Variants in PBX1 observed in about 807,000 individuals in gnomAD.
PBX1 encodes the protein PBX homeobox 1, also known as pre-B-cell leukemia transcription factor 1.
Under a neutral mutation model 53.4 loss-of-function variants are expected in PBX1, and 6 were observed. The ratio of observed to expected loss-of-function variants is 0.11; its 90% CI spans 0.06 to 0.22. The LOEUF (loss-of-function observed/expected upper bound fraction) is 0.22, where lower values mean the gene tolerates loss of function less well. Ranked by LOEUF, PBX1 falls within the 10% of genes least tolerant of loss-of-function variation. PBX1 has a pLI of 1.00. For synonymous variants in PBX1, 204 were observed against 212.3 expected (o/e 0.96, Z 0.34); for missense variants, 251 against 551.4 (o/e 0.46, Z 5.46).
intron 2 of PBX1, among the ~76,000 whole-genome samples, chr1:164,645,231 A>G (rs1571138109): frequency 6.6e-6 from 1 of 152,162 alleles, no homozygotes; most frequent in Admixed American, 6.6e-5. Flanking sequence ...TAACCAGTAC[A>G]GGATTCCCCC....
intron 2 of PBX1, among the ~76,000 whole-genome samples, chr1:164,594,220 A>G (rs1346207042): frequency 6.6e-6 from 1 of 152,050 alleles, no homozygotes; most frequent in Non-Finnish European, 1.5e-5. Flanking sequence ...CAGAAGCACA[A>G]GATGAAACAC....
intron 2 of PBX1, chr1:164,700,385 G>T: frequency 1.1e-6 from 1 of 879,372 alleles, no homozygotes. Context: ...CACATCAAGG[G>T]AGCGTGAGGT....
chr1:164,799,565 G>A, intron 3 of PBX1, 134 bp from the exon 4 acceptor site: 1 of 647,476 alleles, frequency 1.5e-6, no homozygotes, highest in Non-Finnish European at 2.5e-6. Flanking sequence ...TGAAAGGGAC[G>A]TCTACCACAA....
chr1:164,844,890 T>G (rs1420825773), intron 8 of PBX1, among the ~76,000 whole-genome samples: 1 of 152,220 alleles, frequency 6.6e-6, no homozygotes, highest in Non-Finnish European at 1.5e-5. Context: ...GTTCTCCGTC[T>G]AATCTGTTTA....
intron 2 of PBX1, among the ~76,000 whole-genome samples, chr1:164,646,466 A>G (rs1356642736): frequency 6.6e-6 from 1 of 152,138 alleles, no homozygotes; most frequent in African/African-American, 2.4e-5. Flanking sequence ...CTGACTACCT[A>G]GAAGAGGCAA....
chr1:164,620,336 C>T lies in PBX1; in HGVS notation c.265+57025C>T, dbSNP rs577840464. Reference sequence around the variant, plus strand: ...GATTTCATAAGGCATTATTTTGAGGCTATATTTTGTTAGTGTAATTCTAGC... The same window carrying T: ...GATTTCATAAGGCATTATTTTGAGGTTATATTTTGTTAGTGTAATTCTAGC... On this transcript the variant is annotated intron_variant, in intron 2 of 8. Coordinates refer to ENST00000420696, the MANE Select transcript of PBX1 (RefSeq NM_002585.4). Among the ~76,000 whole-genome samples, 29 of 152,200 alleles carry T rather than the reference C, an allele frequency of 1.9e-4. 2 individuals carry two copies. In the South Asian group the frequency reaches 6.0e-3, roughly 32 times the overall value.
chr1:164,592,944 C>T (rs886736673), intron 2 of PBX1, among the ~76,000 whole-genome samples: 3 of 151,408 alleles, frequency 2.0e-5, no homozygotes, highest in Non-Finnish European at 2.9e-5. Context: ...ATGTAGCACA[C>T]AATCCTTAGA....
At chr1:164,767,511 A>T (rs564035620) in intron 2 of PBX1, among the ~76,000 whole-genome samples, 35 of 152,224 alleles carry the variant, frequency 2.3e-4, no homozygotes, top group African/African-American at 7.9e-4. Context: ...TCTGCGTCCA[A>T]CTGCACTCTA....
intron 8 of PBX1, among the ~76,000 whole-genome samples, chr1:164,840,949 A>C (rs1671259152): frequency 6.6e-6 from 1 of 152,154 alleles, no homozygotes; most frequent in African/African-American, 2.4e-5. Flanking sequence ...AGTGCCACCA[A>C]GTGTTTCTTT....
At chr1:164,709,419 G>A (rs1663625700) in intron 2 of PBX1, among the ~76,000 whole-genome samples, 1 of 152,008 alleles carries the variant, frequency 6.6e-6, no homozygotes, top group African/African-American at 2.4e-5. Context: ...AGAAAAAGGG[G>A]GAAAAACACT....
At chr1:164,691,953 CT>C (rs1479657128) in intron 2 of PBX1, among the ~76,000 whole-genome samples, 2 of 152,056 alleles carry the variant, frequency 1.3e-5, no homozygotes, top group African/African-American at 4.8e-5. Flanking sequence ...ATAAAATTAC[CT>C]TTAGGGTCTG....
Position 164,812,145 on chromosome 1 carries a change from G to A in PBX1, c.993G>A (p.Ser331=), listed in dbSNP as rs755845426. The A allele has an allele frequency of 6.2e-7, 1 of 1,607,108 alleles. No homozygotes were observed. The highest frequency in any genetic ancestry group is 1.7e-5 in the Admixed American group (1 of 59,320). Residue 331 remains serine, a synonymous_variant, in exon 6 of 9, where the codon TCG becomes TCA. Coordinates refer to ENST00000420696, the MANE Select transcript of PBX1 (RefSeq NM_002585.4). ...SQANSPSTPN[S]AGSSSSFNMS... is the part of the protein sequence containing the mutation. ...CTAACTCGCCCTCAACTCCCAACTC[G>A]GCTGGTTAGTTTTTTCTTTGATTGG...
At chr1:164,618,305 G>GC (rs1657432599) in intron 2 of PBX1, among the ~76,000 whole-genome samples, 1 of 150,840 alleles carries the variant, frequency 6.6e-6, no homozygotes, top group Admixed American at 6.6e-5. Flanking sequence ...GGCGGGGGGG[G>GC]GGGGGCACTC....
intron 2 of PBX1, among the ~76,000 whole-genome samples, chr1:164,675,881 T>C (rs1390108632): frequency 6.6e-6 from 1 of 152,184 alleles, no homozygotes; most frequent in Non-Finnish European, 1.5e-5. Flanking sequence ...ATGCCCGTGT[T>C]CTGTGTGGAC....
chr1:164,590,238 G>A (rs1246186642), intron 2 of PBX1: 1 of 409,554 alleles, frequency 2.4e-6, no homozygotes, highest in Admixed American at 2.9e-5. Context: ...GGGGGTCAGG[G>A]AGCAGATAGA....
At chr1:164,741,012 T>C (rs553992450) in intron 2 of PBX1, among the ~76,000 whole-genome samples, 26 of 152,362 alleles carry the variant, frequency 1.7e-4, no homozygotes, top group African/African-American at 6.0e-4. Flanking sequence ...TATGTCTGTG[T>C]GAATGCTCAT....
chr1:164,820,254 T>A, intron 7 of PBX1, 70 bp downstream of exon 7: 1 of 874,620 alleles, frequency 1.1e-6, no homozygotes, highest in African/African-American at 1.7e-5. Context: ...GTATTGGACT[T>A]CCTGCTTCTG....
chr1:164,709,781 C>A (rs1405219331), intron 2 of PBX1, among the ~76,000 whole-genome samples: 1 of 152,232 alleles, frequency 6.6e-6, no homozygotes, highest in African/African-American at 2.4e-5. Context: ...CGTCATCTTT[C>A]CCTTTTGAAT....
At chr1:164,617,957 C>T (rs764567276) in intron 2 of PBX1, among the ~76,000 whole-genome samples, 2 of 152,114 alleles carry the variant, frequency 1.3e-5, no homozygotes, top group Non-Finnish European at 2.9e-5. Flanking sequence ...AACACATACC[C>T]CAAATCAGTA....
Sources: allele counts gnomAD v4.1 joint callset (sites outside exome capture counted in the v4.1 genomes callset), GRCh38; gene constraint gnomAD v4.1.1; transcripts MANE v1.5; gene names NCBI Gene and HGNC (gene_info 2026-07-23, HGNC 2026-07-21).